TMEM132C: variants seen among roughly 807,000 people sequenced by gnomAD.
TMEM132C encodes the protein transmembrane protein 132C.
A neutral mutation model predicts 61.4 loss-of-function variants in TMEM132C; 29 were observed. That is an observed-to-expected ratio of 0.47 (90% CI 0.35 to 0.64). TMEM132C has a LOEUF of 0.64. Among genes scored for constraint, TMEM132C ranks in the 30% least tolerant of loss-of-function variants. The pLI is 0.00. For missense variants in TMEM132C, 1,408 were observed against 1,476.9 expected (o/e 0.95, Z 0.76); for synonymous variants, 656 against 633.1 (o/e 1.04, Z -0.54).
At chr12:128,495,015 A>G (rs1464847438) in intron 2 of TMEM132C, among the ~76,000 whole-genome samples, 5 of 127,142 alleles carry the variant, frequency 3.9e-5, no homozygotes, top group African/African-American at 1.4e-4. Context: ...CACTGCTTTG[A>G]ATGTGTTCCA....
intron 3 of TMEM132C, among the ~76,000 whole-genome samples, chr12:128,600,325 A>G (rs1371420757): frequency 3.3e-5 from 5 of 152,040 alleles, no homozygotes; most frequent in African/African-American, 1.2e-4. Flanking sequence ...TTTTTTGCTC[A>G]GCACTTCTCC....
rs149469584 is a variant in TMEM132C, at chr12:128,533,152, T to A, written c.975-10805T>A. ...CCTCTTCTCAGTGCAGAAGCTGTTA[T>A]GTACATGTGACCAGAGGCTTTCCTG... is the stretch of plus-strand genomic sequence containing the variant. On this transcript the variant is annotated intron_variant, in intron 2 of 8. Transcript: ENST00000435159. Among the ~76,000 whole-genome samples the A allele has an allele frequency of 4.4e-3, 669 of 152,310 alleles. 16 individuals carry two copies. The highest frequency in any genetic ancestry group is 0.038 in the Admixed American group (585 of 15,294).
At chr12:128,623,610 CA>C (rs1953987881) in intron 4 of TMEM132C, among the ~76,000 whole-genome samples, 1 of 151,926 alleles carries the variant, frequency 6.6e-6, no homozygotes, top group African/African-American at 2.4e-5. Flanking sequence ...AGTTCGAAAC[CA>C]GCCTGGGCAA....
intron 2 of TMEM132C, among the ~76,000 whole-genome samples, chr12:128,434,918 G>C (rs1471577357): frequency 6.6e-6 from 1 of 151,984 alleles, no homozygotes; most frequent in Non-Finnish European, 1.5e-5. Flanking sequence ...CACCGCAGCC[G>C]GCCCATATAA....
At position 128,415,319 on chromosome 12, in the gene TMEM132C, C is replaced by T. The variant is rs754987750; in HGVS notation, c.673C>T (p.Pro225Ser). 58 of 1,591,072 alleles carry T rather than the reference C, an allele frequency of 3.6e-5. No homozygotes were observed. Among genetic ancestry groups the T allele is most frequent in the Non-Finnish European group, 3.9e-5 (46 of 1,168,168 alleles). Residue 225 changes from proline to serine, a missense_variant, in exon 2 of 9, where the codon CCT becomes TCT. Transcript: ENST00000435159. The surrounding 1 kb of genome is among the most constrained non-coding windows in gnomAD (Gnocchi z 5.8). ...KKSMDQPEGT[P>S]VELYYTVHPG... Reference sequence around the variant, plus strand: ...GTCCATGGACCAGCCGGAGGGGACCCCTGTGGAGCTCTACTACACCGTGCA... The same window carrying T: ...GTCCATGGACCAGCCGGAGGGGACCTCTGTGGAGCTCTACTACACCGTGCA...
At chr12:128,508,217 T>A (rs963892926) in intron 2 of TMEM132C, among the ~76,000 whole-genome samples, 3 of 152,204 alleles carry the variant, frequency 2.0e-5, no homozygotes, top group Admixed American at 1.3e-4. Flanking sequence ...GGAAAACCCC[T>A]TATAAAACCA....
intron 1 of TMEM132C, among the ~76,000 whole-genome samples, chr12:128,280,258 A>G (rs1870845348): frequency 1.3e-5 from 2 of 152,238 alleles, no homozygotes; most frequent in Admixed American, 1.3e-4. Flanking sequence ...GAGAGTGCTC[A>G]GAAGAGGAGT....
chr12:128,366,191 C>T (rs2135976815), intron 1 of TMEM132C, among the ~76,000 whole-genome samples: 1 of 152,276 alleles, frequency 6.6e-6, no homozygotes, highest in Non-Finnish European at 1.5e-5. Context: ...CCTGTGTCGC[C>T]CGCGGCTCTC....
intron 1 of TMEM132C, among the ~76,000 whole-genome samples, chr12:128,283,152 G>A (rs1206093713): frequency 6.6e-6 from 1 of 152,078 alleles, no homozygotes; most frequent in East Asian, 1.9e-4. Context: ...GTACTCTATG[G>A]CTTACATTTC....
At chr12:128,571,676 A>C (rs1272143058) in intron 3 of TMEM132C, among the ~76,000 whole-genome samples, 2 of 152,232 alleles carry the variant, frequency 1.3e-5, no homozygotes, top group African/African-American at 2.4e-5. Flanking sequence ...GAGTATTTTA[A>C]TAAGGGCTTT....
chr12:128,460,205 T>G (rs977049524), intron 2 of TMEM132C, among the ~76,000 whole-genome samples: 7 of 151,932 alleles, frequency 4.6e-5, no homozygotes, highest in African/African-American at 1.7e-4. Flanking sequence ...GGGGAAATAG[T>G]GGGTCATCTA....
At chr12:128,601,255 C>G (rs2135573842) in intron 3 of TMEM132C, among the ~76,000 whole-genome samples, 1 of 152,290 alleles carries the variant, frequency 6.6e-6, no homozygotes, top group East Asian at 1.9e-4. Flanking sequence ...AGGCCTACTC[C>G]CTTCTTGAGT....
intron 4 of TMEM132C, among the ~76,000 whole-genome samples, chr12:128,627,937 G>A (rs1309838649): frequency 6.6e-6 from 1 of 152,236 alleles, no homozygotes; most frequent in Admixed American, 6.5e-5. Flanking sequence ...TGCTGCAGGA[G>A]AAATCTAGGA....
intron 1 of TMEM132C, among the ~76,000 whole-genome samples, chr12:128,317,561 T>A (rs1399751334): frequency 6.6e-6 from 1 of 152,250 alleles, no homozygotes; most frequent in Non-Finnish European, 1.5e-5. Flanking sequence ...GAACTTTTTT[T>A]CTTAAAGGAG....
At chr12:128,270,715 G>A (rs11059613) in intron 1 of TMEM132C, among the ~76,000 whole-genome samples, 72,769 of 151,948 alleles carry the variant, frequency 0.48, 17,843 homozygotes, top group African/African-American at 0.57. Flanking sequence ...AGACACATAG[G>A]TTTTCTTTTC....
chr12:128,648,888 CATT>C (rs1954238862), intron 4 of TMEM132C, among the ~76,000 whole-genome samples: 1 of 145,772 alleles, frequency 6.9e-6, no homozygotes, highest in Non-Finnish European at 1.5e-5. Context: ...AGTCCATCAG[CATT>C]GGATATGGGT....
chr12:128,314,441 G>A lies in TMEM132C; in HGVS notation c.85+46954G>A, dbSNP rs541093411. 3.3e-5 allele frequency among the ~76,000 whole-genome samples: 5 copies of A among 152,292 alleles called. No homozygotes were observed. The South Asian group carries it at 6.2e-4, about 19-fold the overall frequency. Reference sequence around the variant, plus strand: ...TGTATTCCTCAATTTTTGATTAAGAGCCTACCATCTGGCATCCGGATAGTA... The same window carrying A: ...TGTATTCCTCAATTTTTGATTAAGAACCTACCATCTGGCATCCGGATAGTA... On this transcript the variant is annotated intron_variant, in intron 1 of 8. Transcript: ENST00000435159.
At chr12:128,470,482 C>T (rs1870912366) in intron 2 of TMEM132C, among the ~76,000 whole-genome samples, 1 of 152,092 alleles carries the variant, frequency 6.6e-6, no homozygotes, top group Non-Finnish European at 1.5e-5. Context: ...TGGTAGGAGC[C>T]AATTTTCCAA....
At chr12:128,614,474 C>A (rs1194111566) in intron 3 of TMEM132C, among the ~76,000 whole-genome samples, 1 of 151,470 alleles carries the variant, frequency 6.6e-6, no homozygotes, top group Non-Finnish European at 1.5e-5. Context: ...AAAAAAAAAA[C>A]TGTTGGAGAC....
Sources: gnomAD v4.1 joint callset for allele counts (sites outside exome capture counted in the v4.1 genomes callset) on GRCh38, gnomAD v4.1.1 for gene constraint, Gnocchi (gnomAD v3.1) non-coding constraint, MANE v1.5 for transcripts, NCBI Gene and HGNC (gene_info 2026-07-23, HGNC 2026-07-21) for gene names.